Variants in STRIP2 observed in about 807,000 individuals in gnomAD.
STRIP2 encodes striatin interacting protein 2.
Under a neutral mutation model 107.1 loss-of-function variants are expected in STRIP2, and 84 were observed. That is an observed-to-expected ratio of 0.78 (90% CI 0.66 to 0.94). The LOEUF is 0.94. STRIP2 is among the 40% of genes least tolerant of loss of function. The probability of loss-of-function intolerance (pLI) is 0.00; values close to 1 mark genes in which losing one functional copy is unlikely to be tolerated. For missense variants in STRIP2, 888 were observed against 1,034.2 expected (o/e 0.86, Z 1.94); for synonymous variants, 394 against 400.4 (o/e 0.98, Z 0.19).
intron 12 of STRIP2, among the ~76,000 whole-genome samples, 176 bp from the exon 13 acceptor site, chr7:129,460,121 TTGAC>T (rs1466258593): frequency 6.6e-6 from 1 of 152,224 alleles, no homozygotes; most frequent in Non-Finnish European, 1.5e-5. Context: ...ACAAAGCACT[TTGAC>T]TGGTGCTGAT....
At chr7:129,470,796 C>A in intron 18 of STRIP2, 81 bp downstream of exon 18, 2 of 1,115,436 alleles carry the variant, frequency 1.8e-6, no homozygotes, top group Non-Finnish European at 2.7e-6. Flanking sequence ...CTTCTCCAAC[C>A]CCTTAATGCC....
chr7:129,459,406 G>T, intron 11 of STRIP2, 111 bp from the exon 12 acceptor site: 1 of 888,466 alleles, frequency 1.1e-6, no homozygotes, highest in Non-Finnish European at 1.9e-6. Flanking sequence ...AGGGTACTGG[G>T]GGTAGATGTT....
Position 129,458,572 on chromosome 7 carries a change from T to G in STRIP2, c.1274+122T>G. On this transcript the variant is annotated intron_variant, in intron 10 of 20. Transcript: ENST00000249344. This position sits in a 1 kb window ranked among gnomAD's most constrained non-coding sequence, Gnocchi z 4.6. ...GTCTGGCAGTCAGAACTCCTGGGTT[T>G]GAAATTCCTTCTGTTGATTGCTGCC... 1 of 1,245,332 alleles carries G rather than the reference T, an allele frequency of 8.0e-7. No individual in the cohort carries two copies. Among genetic ancestry groups the G allele is most frequent in the Non-Finnish European group, 1.1e-6 (1 of 886,988 alleles). 77.1% of individuals were successfully genotyped at this position (1,245,332 alleles called of 1,614,324 possible). A position where few individuals can be genotyped will look rare whatever the true frequency, so the allele number is the denominator to read the frequency against.
At chr7:129,455,591 CCA>C (rs1798324756) in intron 8 of STRIP2, among the ~76,000 whole-genome samples, 1 of 152,154 alleles carries the variant, frequency 6.6e-6, no homozygotes, top group Non-Finnish European at 1.5e-5. Context: ...AGATGCCACT[CCA>C]TAAATTGGGG....
rs895352751 is a variant in STRIP2 at position 129,458,060 on chromosome 7, A to G, written c.1039-155A>G. The G allele has an allele frequency of 1.4e-6, 1 of 702,924 alleles. No homozygotes were observed. 43.5% of individuals were successfully genotyped at this position (702,924 alleles called of 1,614,324 possible). ...TCCTGTTATTGGGCCGGGTGGGGAC[A>G]GTAGGTTAAGGTGGGGAATTGGATG... On this transcript the variant is annotated intron_variant, in intron 9 of 20. Coordinates refer to ENST00000249344, the MANE Select transcript of STRIP2 (RefSeq NM_020704.3). The surrounding 1 kb of genome is among the most constrained non-coding windows in gnomAD (Gnocchi z 4.6).
At position 129,453,210 on chromosome 7, in the gene STRIP2, A is replaced by G. The variant is rs1185120215; in HGVS notation, c.410-17A>G. The G allele has an allele frequency of 6.2e-7, 1 of 1,613,812 alleles. No homozygotes were observed. The highest frequency in any genetic ancestry group is 8.5e-7 in the Non-Finnish European group (1 of 1,179,854). ...CTGCCACCCCTCAACCCCTGTAACA[A>G]CTGTCTGGTCCTTTAGGTACTTTTG... On this transcript the variant is annotated splice_polypyrimidine_tract_variant and intron_variant, in intron 4 of 20. Transcript: ENST00000249344.
At position 129,454,470 on chromosome 7, in the gene STRIP2, CGA is replaced by C; in HGVS notation, c.654_655del (p.Glu218AspfsTer16). The part of the protein sequence containing the change: ...YLMVENIRLE[R>X]ETDPCGWRTA... Reference sequence around the variant, plus strand: ...AATGGTGGAAAATATTCGCCTGGAGCGAGAGACAGACCCCTGTGGGTGGAGAA... The same window carrying C: ...AATGGTGGAAAATATTCGCCTGGAGCGAGACAGACCCCTGTGGGTGGAGAA... On this transcript the variant is annotated frameshift_variant, in exon 7 of 21. Transcript: ENST00000249344. LOFTEE classifies it high-confidence loss of function. 6.2e-7 allele frequency: 1 copy of C among 1,614,014 alleles called. No individual in the cohort carries two copies. The highest frequency in any genetic ancestry group is 8.5e-7 in the Non-Finnish European group (1 of 1,179,970).
intron 13 of STRIP2, among the ~76,000 whole-genome samples, chr7:129,462,192 C>T (rs1204922789): frequency 6.6e-6 from 1 of 152,168 alleles, no homozygotes; most frequent in Non-Finnish European, 1.5e-5. Context: ...GGCAAACATG[C>T]CAGGATTGCC....
rs1798421553 is a variant in STRIP2 at position 129,458,264 on chromosome 7, T to C, written c.1088T>C (p.Leu363Pro). Residue 363 changes from leucine to proline, a missense_variant, in exon 10 of 21, where the codon CTC (leucine) becomes CCC (proline). Coordinates refer to ENST00000249344, the MANE Select transcript of STRIP2 (RefSeq NM_020704.3). The surrounding 1 kb of genome is among the most constrained non-coding windows in gnomAD (Gnocchi z 4.6). ...CTGGACATCTACAATGAAAGGGATCTCTTCAAGACTGAGGAGCCCGCCACA... is the reference window on the plus strand; with the variant it reads ...CTGGACATCTACAATGAAAGGGATCCCTTCAAGACTGAGGAGCCCGCCACA... ...DSLDIYNERD[L>P]FKTEEPATEE... 1 of 1,614,068 alleles carries C rather than the reference T, an allele frequency of 6.2e-7. No individual in the cohort carries two copies. The highest frequency in any genetic ancestry group is 1.3e-5 in the African/African-American group (1 of 74,912).
chr7:129,477,834 TG>T, intron 18 of STRIP2: 1 of 380,108 alleles, frequency 2.6e-6, no homozygotes, highest in Non-Finnish European at 5.2e-6. Context: ...AGAGAAGCCA[TG>T]CATTCCATCT....
At chr7:129,467,074 C>A (rs1798687349) in intron 16 of STRIP2, among the ~76,000 whole-genome samples, 1 of 152,216 alleles carries the variant, frequency 6.6e-6, no homozygotes, top group Admixed American at 6.5e-5. Context: ...AGGAACAAAT[C>A]TCACAGCAAT....
At chr7:129,454,067 G>A in intron 5 of STRIP2, 75 bp from the exon 6 acceptor site, 1 of 1,354,070 alleles carries the variant, frequency 7.4e-7, no homozygotes. Context: ...ACTCATATTT[G>A]TGTGAGTGAT....
rs1443082507 is a variant in STRIP2, at chr7:129,483,829, C to T, written c.2254+783C>T. Among the ~76,000 whole-genome samples, 2 of 152,128 alleles carry T rather than the reference C, an allele frequency of 1.3e-5. No homozygotes were observed. Among genetic ancestry groups the T allele is most frequent in the East Asian group, 1.9e-4 (1 of 5,196 alleles). ...ACATGATAATGGCTCACTGCAGCCT[C>T]GACTTCCTGGGCTCAAGTGATCCTC... On this transcript the variant is annotated intron_variant, in intron 20 of 20. Transcript: ENST00000249344. This position sits in a 1 kb window ranked among gnomAD's most constrained non-coding sequence, Gnocchi z 5.1.
intron 11 of STRIP2, among the ~76,000 whole-genome samples, chr7:129,459,133 G>A (rs914811820): frequency 3.3e-5 from 5 of 152,116 alleles, no homozygotes; most frequent in East Asian, 1.9e-4. Flanking sequence ...TGGTCAGAAC[G>A]GATCCAGTCT....
At chr7:129,468,742 A>G (rs1323237621) in intron 17 of STRIP2, among the ~76,000 whole-genome samples, 2 of 152,194 alleles carry the variant, frequency 1.3e-5, no homozygotes, top group African/African-American at 4.8e-5. Flanking sequence ...ACTCTTGGTT[A>G]AAAGTAACCA....
chr7:129,435,579 T>G (rs1797714081), intron 1 of STRIP2, among the ~76,000 whole-genome samples: 1 of 152,262 alleles, frequency 6.6e-6, no homozygotes, highest in Non-Finnish European at 1.5e-5. Context: ...TATCATTTAC[T>G]ACCTGTGTGA....
intron 1 of STRIP2, among the ~76,000 whole-genome samples, 196 bp from the exon 2 acceptor site, chr7:129,439,825 TC>T (rs1241658581): frequency 2.0e-5 from 3 of 152,118 alleles, no homozygotes; most frequent in African/African-American, 7.2e-5. Flanking sequence ...CCTCAGCCCC[TC>T]CCCACACTGA....
Position 129,483,179 on chromosome 7 carries a change from G to C in STRIP2, c.2254+133G>C. The C allele has an allele frequency of 2.8e-6, 4 of 1,450,984 alleles. No homozygotes were observed. The highest frequency in any genetic ancestry group is 3.6e-6 in the Non-Finnish European group (4 of 1,102,756). The allele number at this position is 1,450,984 out of a possible 1,614,324, so 89.9% of individuals were successfully genotyped here. ...TGAAAAAATATGTGATTATAGGTCA[G>C]GCGCTGATACACCAAACTTTAAGGT... On this transcript the variant is annotated intron_variant, in intron 20 of 20. Coordinates refer to ENST00000249344, the MANE Select transcript of STRIP2 (RefSeq NM_020704.3). This position sits in a 1 kb window ranked among gnomAD's most constrained non-coding sequence, Gnocchi z 5.1.
At chr7:129,444,185 G>A (rs1332543636) in intron 3 of STRIP2, 87 bp downstream of exon 3, 5 of 920,678 alleles carry the variant, frequency 5.4e-6, no homozygotes, top group South Asian at 1.5e-5. Flanking sequence ...AACAAAGTGC[G>A]ATCCTTCATC....
Sources: allele counts gnomAD v4.1 joint callset (sites outside exome capture counted in the v4.1 genomes callset), GRCh38; gene constraint gnomAD v4.1.1; non-coding constraint Gnocchi (gnomAD v3.1); transcripts MANE v1.5; gene names NCBI Gene and HGNC (gene_info 2026-07-23, HGNC 2026-07-21).